CDH12: variants seen among roughly 807,000 people sequenced by gnomAD.
The protein encoded by CDH12 is cadherin-12.
CDH12 carries 41 observed loss-of-function variants against 74.1 expected under a neutral mutation model. The observed-to-expected ratio is 0.55, with a 90% CI of 0.43 to 0.72. The LOEUF (loss-of-function observed/expected upper bound fraction) is 0.72, where lower values mean the gene tolerates loss of function less well. CDH12 is among the 30% of genes least tolerant of loss of function. The probability of loss-of-function intolerance (pLI) is 0.00; values close to 1 mark genes in which losing one functional copy is unlikely to be tolerated. For missense variants in CDH12, 945 were observed against 977.2 expected, an observed-to-expected ratio of 0.97 and a Z score of 0.44; for synonymous variants, 399 against 355.0, an observed-to-expected ratio of 1.12 and a Z score of -1.39.
chr5:22,507,280 A>G (rs1401318035), intron 1 of CDH12, among the ~76,000 whole-genome samples: 1 of 152,080 alleles, frequency 6.6e-6, no homozygotes, highest in African/African-American at 2.4e-5. Context: ...TACTATGACC[A>G]TGTTTTCATA....
At chr5:22,120,421 C>T (rs962094087) in intron 4 of CDH12, among the ~76,000 whole-genome samples, 2 of 152,192 alleles carry the variant, frequency 1.3e-5, no homozygotes, top group African/African-American at 2.4e-5. Flanking sequence ...AGAAAAATTA[C>T]ATTTGAGGTT....
At chr5:22,745,939 T>C (rs1745275011) in intron 1 of CDH12, among the ~76,000 whole-genome samples, 1 of 152,206 alleles carries the variant, frequency 6.6e-6, no homozygotes, top group South Asian at 2.1e-4. Flanking sequence ...TAAAATAAAA[T>C]ATAATGCAGT....
intron 1 of CDH12, among the ~76,000 whole-genome samples, chr5:22,751,925 T>C (rs952761713): frequency 1.3e-5 from 2 of 151,648 alleles, no homozygotes; most frequent in Non-Finnish European, 2.9e-5. Flanking sequence ...TTCGGCAGTA[T>C]TCTCAGAGTA....
At chr5:22,291,444 A>G (rs1737384867) in intron 3 of CDH12, among the ~76,000 whole-genome samples, 1 of 152,170 alleles carries the variant, frequency 6.6e-6, no homozygotes, top group African/African-American at 2.4e-5. Context: ...TGATGACATA[A>G]TTTTATATGT....
chr5:21,983,496 T>G (rs1029874251), intron 5 of CDH12, among the ~76,000 whole-genome samples: 1 of 152,108 alleles, frequency 6.6e-6, no homozygotes, highest in Non-Finnish European at 1.5e-5. Flanking sequence ...ATGTGTTTAT[T>G]TGGGTTTGTG....
intron 3 of CDH12, among the ~76,000 whole-genome samples, chr5:22,219,410 A>C (rs2150367863): frequency 6.6e-6 from 1 of 151,716 alleles, no homozygotes; most frequent in South Asian, 2.1e-4. Flanking sequence ...TTCTCCTCTC[A>C]GTTATACTGA....
chr5:22,273,265 A>G (rs1736484712), intron 3 of CDH12, among the ~76,000 whole-genome samples: 1 of 152,214 alleles, frequency 6.6e-6, no homozygotes, highest in East Asian at 1.9e-4. Context: ...GAAGACATTA[A>G]AAGTAATTTT....
chr5:22,767,292 C>T (rs1389161747), intron 1 of CDH12, among the ~76,000 whole-genome samples: 1 of 151,922 alleles, frequency 6.6e-6, no homozygotes, highest in Non-Finnish European at 1.5e-5. Flanking sequence ...TTAGCTTGGA[C>T]TTTGAATGTT....
intron 3 of CDH12, among the ~76,000 whole-genome samples, chr5:22,329,028 A>C (rs977930271): frequency 2.6e-5 from 4 of 151,434 alleles, no homozygotes; most frequent in African/African-American, 7.4e-5. Context: ...AAGACAAGAG[A>C]AGAGAGAATT....
intron 8 of CDH12, among the ~76,000 whole-genome samples, chr5:21,824,659 A>G (rs953884164): frequency 3.3e-5 from 5 of 151,746 alleles, no homozygotes; most frequent in Non-Finnish European, 7.4e-5. Flanking sequence ...AATTTCCCCC[A>G]TTTTCTGGGA....
intron 1 of CDH12, among the ~76,000 whole-genome samples, chr5:22,717,391 C>T (rs1447799315): frequency 6.6e-6 from 1 of 152,076 alleles, no homozygotes; most frequent in Non-Finnish European, 1.5e-5. Context: ...CAGACTATAC[C>T]ATATAACCTA....
chr5:21,850,946 TG>T lies in CDH12; in HGVS notation c.646+3724del, dbSNP rs1750433307. Among the ~76,000 whole-genome samples the T allele has an allele frequency of 2.0e-5, 3 of 151,378 alleles. No homozygotes were observed. The Admixed American group carries it at 2.0e-4, about 10-fold the overall frequency. ...TTAAGAGATACGGAGAGAAATGTTT[TG>T]GCTAGATGGTGTAATGGTTTGACAA... is the stretch of plus-strand genomic sequence containing the variant. On this transcript the variant is annotated intron_variant, in intron 7 of 14. Coordinates refer to ENST00000382254, the MANE Select transcript of CDH12 (RefSeq NM_004061.5).
intron 11 of CDH12, among the ~76,000 whole-genome samples, chr5:21,770,657 T>C (rs1328909647): frequency 2.0e-5 from 3 of 152,124 alleles, no homozygotes; most frequent in Non-Finnish European, 4.4e-5. Context: ...TATTGTGATT[T>C]CTCAAAGAAC....
chr5:22,808,768 T>G (rs2584444), intron 1 of CDH12, among the ~76,000 whole-genome samples: 6,576 of 137,834 alleles, frequency 0.048, 481 homozygotes, highest in African/African-American at 0.18. Context: ...CCTGGTTTTT[T>G]TTTTTTTTTT....
At chr5:22,274,941 C>T (rs937684862) in intron 3 of CDH12, among the ~76,000 whole-genome samples, 2 of 152,190 alleles carry the variant, frequency 1.3e-5, no homozygotes, top group African/African-American at 2.4e-5. Context: ...GATAGCCAAC[C>T]TTTCACAGTG....
chr5:22,265,112 T>C (rs949928948), intron 3 of CDH12, among the ~76,000 whole-genome samples: 1 of 152,180 alleles, frequency 6.6e-6, no homozygotes, highest in African/African-American at 2.4e-5. Flanking sequence ...ACATGAGCTC[T>C]AGCCAGAGAA....
At chr5:21,812,742 G>A (rs988786485) in intron 9 of CDH12, among the ~76,000 whole-genome samples, 5 of 152,082 alleles carry the variant, frequency 3.3e-5, no homozygotes, top group Non-Finnish European at 7.4e-5. Context: ...CAATAGATAG[G>A]TGGACAGTTT....
chr5:22,653,071 AAG>A (rs1417832606), intron 1 of CDH12, among the ~76,000 whole-genome samples: 1 of 152,210 alleles, frequency 6.6e-6, no homozygotes, highest in South Asian at 2.1e-4. Context: ...AGATACCAGA[AAG>A]AGTGATATGT....
intron 6 of CDH12, among the ~76,000 whole-genome samples, chr5:21,899,946 A>T (rs1753305986): frequency 6.6e-6 from 1 of 152,092 alleles, no homozygotes; most frequent in African/African-American, 2.4e-5. Context: ...TTGAAATTTT[A>T]TAATCCTCAA....
Sources: allele counts gnomAD v4.1 joint callset (sites outside exome capture counted in the v4.1 genomes callset), GRCh38; gene constraint gnomAD v4.1.1; transcripts MANE v1.5; gene names NCBI Gene and HGNC (gene_info 2026-07-23, HGNC 2026-07-21).